Variants in UST observed in about 807,000 individuals in gnomAD.
UST encodes uronyl 2-sulfotransferase, also known as chondroitin sulfate 2-O-sulfotransferase.
A neutral mutation model predicts 45.6 loss-of-function variants in UST; 21 were observed. The observed-to-expected ratio is 0.46, with a 90% confidence interval of 0.33 to 0.66. UST has a LOEUF of 0.66. UST is among the 30% of genes least tolerant of loss of function. The pLI is 0.02. For synonymous variants in UST, 215 were observed against 200.6 expected (o/e 1.07, Z -0.61); for missense variants, 463 against 512.4 (o/e 0.90, Z 0.93).
rs1367403691 is a variant in UST at position 148,999,541 on chromosome 6, A to G, written c.682-19598A>G. 2.0e-5 allele frequency among the ~76,000 whole-genome samples: 3 copies of G among 152,378 alleles called. No homozygotes were observed. In the East Asian group the frequency reaches 5.8e-4, roughly 29 times the overall value. Reference sequence around the variant, plus strand: ...ATAGACTCAAAGCAACACCATTAAGACAAACTCACTGCTATGATGTAACAG... The same window carrying G: ...ATAGACTCAAAGCAACACCATTAAGGCAAACTCACTGCTATGATGTAACAG... On this transcript the variant is annotated intron_variant, in intron 5 of 7. Coordinates refer to ENST00000367463, the MANE Select transcript of UST (RefSeq NM_005715.3).
intron 7 of UST, among the ~76,000 whole-genome samples, chr6:149,062,307 C>A (rs1776665965): frequency 6.6e-6 from 1 of 152,158 alleles, no homozygotes; most frequent in South Asian, 2.1e-4. Flanking sequence ...TCAGGAAGGA[C>A]CCTCAACTAA....
intron 7 of UST, among the ~76,000 whole-genome samples, chr6:149,038,554 T>G (rs1776267846): frequency 6.6e-6 from 1 of 152,140 alleles, no homozygotes; most frequent in South Asian, 2.1e-4. Context: ...CCATCAATTC[T>G]AGTTTTCAAA....
At chr6:149,006,727 T>C (rs944012468) in intron 5 of UST, among the ~76,000 whole-genome samples, 8 of 152,208 alleles carry the variant, frequency 5.3e-5, no homozygotes, top group African/African-American at 1.7e-4. Context: ...TGCAAAATGT[T>C]CCTATTTCTC....
chr6:148,817,374 T>G (rs1258312043), intron 1 of UST, among the ~76,000 whole-genome samples: 1 of 152,328 alleles, frequency 6.6e-6, no homozygotes, highest in East Asian at 1.9e-4. Context: ...TTGAAGAGAT[T>G]TATTCTGAGC....
At chr6:148,954,557 G>A (rs1333071137) in intron 4 of UST, among the ~76,000 whole-genome samples, 1 of 152,120 alleles carries the variant, frequency 6.6e-6, no homozygotes, top group South Asian at 2.1e-4. Context: ...GTCACATGCT[G>A]TCCAGGTTTG....
chr6:149,030,093 G>C (rs1383851800), intron 7 of UST, among the ~76,000 whole-genome samples: 2 of 152,188 alleles, frequency 1.3e-5, no homozygotes, highest in South Asian at 2.1e-4. Flanking sequence ...CAAATCCCCT[G>C]AAGTTGAGGA....
chr6:148,803,481 C>A (rs1335015618), intron 1 of UST, among the ~76,000 whole-genome samples: 1 of 152,150 alleles, frequency 6.6e-6, no homozygotes, highest in East Asian at 1.9e-4. Context: ...GTTATTACTT[C>A]TGTCCAACTC....
chr6:148,944,563 A>C (rs1379072270), intron 3 of UST, among the ~76,000 whole-genome samples: 1 of 150,850 alleles, frequency 6.6e-6, no homozygotes, highest in Non-Finnish European at 1.5e-5. Context: ...AAATTTTTTA[A>C]ATCTATTAAA....
chr6:148,922,777 T>TTTA (rs529855804), intron 2 of UST, among the ~76,000 whole-genome samples: 1 of 149,110 alleles, frequency 6.7e-6, no homozygotes, highest in Admixed American at 6.7e-5. Context: ...CTGGCCTTCT[T>TTTA]TTATTATTAT....
At chr6:148,935,792 T>C (rs1780013783) in intron 2 of UST, among the ~76,000 whole-genome samples, 1 of 152,154 alleles carries the variant, frequency 6.6e-6, no homozygotes, top group Non-Finnish European at 1.5e-5. Flanking sequence ...TCTTCTCCAA[T>C]TAGCTGCGTT....
intron 1 of UST, among the ~76,000 whole-genome samples, chr6:148,885,307 G>C (rs1265537988): frequency 6.6e-6 from 1 of 152,108 alleles, no homozygotes; most frequent in East Asian, 1.9e-4. Flanking sequence ...TGAGCAGATG[G>C]GAGCTCCAGG....
intron 4 of UST, chr6:148,955,946 A>G (rs1479877862): frequency 6.6e-6 from 1 of 152,218 alleles, no homozygotes. Context: ...GATGGCCTCT[A>G]CCAACAAACA....
At chr6:149,021,062 G>A (rs879298465) in intron 6 of UST, among the ~76,000 whole-genome samples, 5 of 152,180 alleles carry the variant, frequency 3.3e-5, no homozygotes, top group African/African-American at 7.2e-5. Context: ...ACAATACTTA[G>A]GCAGGGCCTC....
intron 1 of UST, among the ~76,000 whole-genome samples, chr6:148,830,284 T>G (rs1189365249): frequency 6.6e-6 from 1 of 152,244 alleles, no homozygotes. Context: ...ACATGATGCA[T>G]GCATTCAAAA....
chr6:148,885,207 G>C (rs914145306), intron 1 of UST, among the ~76,000 whole-genome samples: 1 of 152,144 alleles, frequency 6.6e-6, no homozygotes, highest in African/African-American at 2.4e-5. Context: ...TGTTGAGGCT[G>C]TCTTCGATCC....
At chr6:148,770,587 T>C (rs1301782712) in intron 1 of UST, among the ~76,000 whole-genome samples, 1 of 152,168 alleles carries the variant, frequency 6.6e-6, no homozygotes, top group Non-Finnish European at 1.5e-5. Flanking sequence ...AACTCAACTC[T>C]ATAAACAGAA....
intron 1 of UST, among the ~76,000 whole-genome samples, chr6:148,812,881 G>A (rs997993874): frequency 1.7e-4 from 26 of 152,118 alleles, no homozygotes; most frequent in Admixed American, 6.5e-5. Context: ...GGTCGTCTTC[G>A]AGCCTGGATA....
intron 1 of UST, among the ~76,000 whole-genome samples, chr6:148,781,852 A>G (rs1256563565): frequency 1.3e-5 from 2 of 152,170 alleles, no homozygotes; most frequent in Non-Finnish European, 2.9e-5. Flanking sequence ...TGTTTATAGC[A>G]TGGTTTACTG....
chr6:148,923,643 A>G (rs958553822), intron 2 of UST, among the ~76,000 whole-genome samples: 1 of 152,218 alleles, frequency 6.6e-6, no homozygotes, highest in Non-Finnish European at 1.5e-5. Context: ...GCGGTGGCTC[A>G]TGCCTGTAAT....
Sources: gnomAD v4.1 joint callset for allele counts (sites outside exome capture counted in the v4.1 genomes callset) on GRCh38, gnomAD v4.1.1 for gene constraint, MANE v1.5 for transcripts, NCBI Gene and HGNC (gene_info 2026-07-23, HGNC 2026-07-21) for gene names.